The following DGKB variants were observed in gnomAD, a reference collection of about 807,000 sequenced individuals.
DGKB encodes 90 kDa diacylglycerol kinase.
A neutral mutation model predicts 114.3 loss-of-function variants in DGKB; 67 were observed. The observed-to-expected ratio is 0.59, with a 90% CI of 0.48 to 0.72. The LOEUF (loss-of-function observed/expected upper bound fraction) is 0.72. Among genes scored for constraint, DGKB ranks in the 30% least tolerant of loss-of-function variants. The pLI is 0.00. For missense variants in DGKB, 907 were observed against 975.2 expected (o/e 0.93, Z 0.93); for synonymous variants, 398 against 323.1 (o/e 1.23, Z -2.49).
intron 21 of DGKB, among the ~76,000 whole-genome samples, chr7:14,393,008 T>TTTTTTTTTTTTTTTTTTTTTTTTTTAA (rs71033995): frequency 7.4e-6 from 1 of 134,840 alleles, no homozygotes; most frequent in Admixed American, 7.5e-5. Flanking sequence ...TTTTTTTTTT[T>TTTTTTTTTTTTTTTTTTTTTTTTTTAA]GAGACGGAGT....
chr7:14,606,599 T>TTA (rs1343312921), intron 17 of DGKB, among the ~76,000 whole-genome samples: 3 of 148,514 alleles, frequency 2.0e-5, no homozygotes, highest in Admixed American at 6.8e-5. Context: ...GCCTTTTTTT[T>TTA]AAAAAAAAAA....
chr7:14,944,674 T>C (rs1220267565), intron 1 of DGKB, among the ~76,000 whole-genome samples: 1 of 139,972 alleles, frequency 7.1e-6, no homozygotes, highest in African/African-American at 2.8e-5. Flanking sequence ...ATTTTGATCA[T>C]GACTGTGTGT....
At position 14,702,486 on chromosome 7, in the gene DGKB, G is replaced by A. The variant is rs576695070; in HGVS notation, c.467-756C>T. 4.6e-5 allele frequency among the ~76,000 whole-genome samples: 7 copies of A among 152,218 alleles called. No individual in the cohort carries two copies. The East Asian group carries it at 7.7e-4, about 17-fold the overall frequency. On this transcript the variant is annotated intron_variant, in intron 6 of 25. Transcript: ENST00000402815. ...TCAAGTAAGGGAAAGGAGAACATTGGGTCTCTGTTAGGGGGTTCAGGAAAG... is the reference window on the plus strand; with the variant it reads ...TCAAGTAAGGGAAAGGAGAACATTGAGTCTCTGTTAGGGGGTTCAGGAAAG...
At chr7:14,950,482 A>G (rs955297043) in intron 1 of DGKB, among the ~76,000 whole-genome samples, 1 of 151,982 alleles carries the variant, frequency 6.6e-6, no homozygotes. Flanking sequence ...TTTTTTATTT[A>G]TAATGATCAG....
At chr7:14,341,279 C>T (rs939778525) in intron 22 of DGKB, among the ~76,000 whole-genome samples, 2 of 151,790 alleles carry the variant, frequency 1.3e-5, no homozygotes, top group Non-Finnish European at 2.9e-5. Flanking sequence ...CTACCTTCCT[C>T]TGTTTGCTTT....
At chr7:14,635,269 G>A (rs1175775087) in intron 13 of DGKB, among the ~76,000 whole-genome samples, 1 of 88,208 alleles carries the variant, frequency 1.1e-5, no homozygotes, top group Admixed American at 9.2e-5. Context: ...ATGTCTATTT[G>A]TAGAGTTTTG....
At chr7:14,907,073 G>A (rs1783747782), upstream of DGKB, among the ~76,000 whole-genome samples, 1 of 152,134 alleles carries the variant, frequency 6.6e-6, no homozygotes, top group African/African-American at 2.4e-5. Flanking sequence ...TGCCATACGG[G>A]AGCTTTTCCA....
intron 16 of DGKB, among the ~76,000 whole-genome samples, chr7:14,610,795 C>T (rs902723329): frequency 2.0e-5 from 3 of 152,082 alleles, no homozygotes; most frequent in Non-Finnish European, 4.4e-5. Context: ...AAATGCCTAT[C>T]AAACCTGGCT....
At chr7:14,811,696 G>C (rs1843453817) in intron 2 of DGKB, among the ~76,000 whole-genome samples, 1 of 151,860 alleles carries the variant, frequency 6.6e-6, no homozygotes. Flanking sequence ...AGAATTCCCT[G>C]AGCTGATCAT....
chr7:14,628,872 C>T (rs1178436083), intron 14 of DGKB, among the ~76,000 whole-genome samples: 1 of 151,286 alleles, frequency 6.6e-6, no homozygotes, highest in Non-Finnish European at 1.5e-5. Context: ...ATATATAGTG[C>T]CAGAAAAAAA....
At chr7:14,718,261 C>T (rs538845175) in intron 6 of DGKB, among the ~76,000 whole-genome samples, 1 of 152,210 alleles carries the variant, frequency 6.6e-6, no homozygotes, top group East Asian at 1.9e-4. Flanking sequence ...CTAATAGCAT[C>T]TTGTTAACTC....
chr7:14,906,447 C>CTTTTTTTTTTTT (rs34250901), upstream of DGKB, among the ~76,000 whole-genome samples: 30 of 103,868 alleles, frequency 2.9e-4, no homozygotes, highest in Non-Finnish European at 3.9e-4. Flanking sequence ...TTTTTTCTGT[C>CTTTTTTTTTTTT]TTTTTTTTTT....
At chr7:14,226,133 G>T (rs1157538982) in intron 23 of DGKB, among the ~76,000 whole-genome samples, 2 of 151,764 alleles carry the variant, frequency 1.3e-5, no homozygotes, top group Non-Finnish European at 1.5e-5. Flanking sequence ...TCCCAAGAAG[G>T]TATAATAGAA....
intron 2 of DGKB, among the ~76,000 whole-genome samples, chr7:14,792,333 C>A (rs1840780227): frequency 6.6e-6 from 1 of 151,930 alleles, no homozygotes. Context: ...TTAAAATAGC[C>A]TTTATTATCA....
chr7:14,895,556 G>T (rs755419973), intron 1 of DGKB, among the ~76,000 whole-genome samples: 36 of 151,532 alleles, frequency 2.4e-4, no homozygotes, highest in Non-Finnish European at 5.0e-4. Context: ...TCATGGACTT[G>T]TTTCCTTGTT....
At chr7:14,653,862 T>C (rs1048440266) in intron 13 of DGKB, among the ~76,000 whole-genome samples, 11 of 151,980 alleles carry the variant, frequency 7.2e-5, no homozygotes, top group Non-Finnish European at 2.9e-5. Context: ...TCTCAAAAAT[T>C]GGACATAGAA....
intron 20 of DGKB, among the ~76,000 whole-genome samples, chr7:14,520,407 G>A (rs1789570557): frequency 6.6e-6 from 1 of 151,130 alleles, no homozygotes; most frequent in Admixed American, 6.6e-5. Flanking sequence ...TGATTTTTAA[G>A]GTATAAACTT....
At chr7:14,899,532 C>CTA (rs1211383424) in intron 1 of DGKB, among the ~76,000 whole-genome samples, 1 of 152,092 alleles carries the variant, frequency 6.6e-6, no homozygotes, top group Non-Finnish European at 1.5e-5. Context: ...CAGCCTTCCA[C>CTA]TATATGATTC....
At chr7:14,559,631 G>A (rs1340847571) in intron 20 of DGKB, among the ~76,000 whole-genome samples, 1 of 152,052 alleles carries the variant, frequency 6.6e-6, no homozygotes, top group Non-Finnish European at 1.5e-5. Context: ...TGAATTTTTT[G>A]TTACATCATG....
Sources: allele counts gnomAD v4.1 joint callset (sites outside exome capture counted in the v4.1 genomes callset), GRCh38; gene constraint gnomAD v4.1.1; transcripts MANE v1.5; gene names NCBI Gene and HGNC (gene_info 2026-07-23, HGNC 2026-07-21).